Variants in CRPPA observed in about 807,000 individuals in gnomAD.
The protein encoded by CRPPA is D-ribitol-5-phosphate cytidylyltransferase.
Under a neutral mutation model 52.0 loss-of-function variants are expected in CRPPA, and 43 were observed. The ratio of observed to expected loss-of-function variants is 0.83; its 90% CI spans 0.65 to 1.07. CRPPA has a LOEUF of 1.07. Among genes scored for constraint, CRPPA ranks in the 50% least tolerant of loss-of-function variants. The pLI is 0.00. For missense variants in CRPPA, 629 were observed against 551.7 expected (o/e 1.14, Z -1.40); for synonymous variants, 250 against 203.5 (o/e 1.23, Z -1.94).
chr7:16,365,897 A>G (rs1224315262), intron 3 of CRPPA, among the ~76,000 whole-genome samples: 1 of 152,228 alleles, frequency 6.6e-6, no homozygotes, highest in Non-Finnish European at 1.5e-5. Context: ...CATCAACAAG[A>G]AAAAGATAAG....
At chr7:16,353,002 G>C (rs934003346) in intron 3 of CRPPA, among the ~76,000 whole-genome samples, 10 of 151,870 alleles carry the variant, frequency 6.6e-5, no homozygotes, top group African/African-American at 2.4e-4. Context: ...AAGACATTTT[G>C]CTAAGTAAAA....
rs561788573 is a variant in CRPPA at position 16,351,736 on chromosome 7, T to G, written c.684+24356A>C. Among the ~76,000 whole-genome samples, 71 of 152,284 alleles carry G rather than the reference T, an allele frequency of 4.7e-4. 1 individual carries two copies. The highest frequency in any genetic ancestry group is 1.6e-3 in the African/African-American group (67 of 41,568). On this transcript the variant is annotated intron_variant, in intron 3 of 9. Coordinates refer to ENST00000407010, the MANE Select transcript of CRPPA (RefSeq NM_001101426.4). ...AGATACCATCTCATGCCAGTTAGAATGGCGATCATTAAAAAGTCAGGAAAC... is the reference window on the plus strand; with the variant it reads ...AGATACCATCTCATGCCAGTTAGAAGGGCGATCATTAAAAAGTCAGGAAAC...
intron 3 of CRPPA, among the ~76,000 whole-genome samples, chr7:16,323,677 C>G (rs1380846033): frequency 6.6e-6 from 1 of 152,100 alleles, no homozygotes; most frequent in African/African-American, 2.4e-5. Context: ...TTTTGTGTAA[C>G]AAGAGCAAAC....
chr7:16,412,373 T>C (rs1217900004), intron 1 of CRPPA, among the ~76,000 whole-genome samples: 1 of 152,152 alleles, frequency 6.6e-6, no homozygotes, highest in African/African-American at 2.4e-5. Flanking sequence ...CAAATGTGCG[T>C]GAGTATATAA....
chr7:16,146,409 A>G (rs1782975506), intron 9 of CRPPA, among the ~76,000 whole-genome samples: 1 of 152,168 alleles, frequency 6.6e-6, no homozygotes, highest in Non-Finnish European at 1.5e-5. Flanking sequence ...AAAAGACACT[A>G]GTTAGCAAGA....
intron 9 of CRPPA, among the ~76,000 whole-genome samples, chr7:16,178,924 T>C (rs1467668738): frequency 6.6e-6 from 1 of 152,076 alleles, no homozygotes; most frequent in Non-Finnish European, 1.5e-5. Flanking sequence ...ATAAATTTGG[T>C]TGAGGCTCTA....
At chr7:16,223,870 C>T (rs2128400965) in intron 8 of CRPPA, among the ~76,000 whole-genome samples, 1 of 150,614 alleles carries the variant, frequency 6.6e-6, no homozygotes, top group East Asian at 2.0e-4. Flanking sequence ...TATAGATACA[C>T]ATCAAGTAGA....
chr7:16,308,140 CCAGAAG>C (rs1329685512), intron 4 of CRPPA, among the ~76,000 whole-genome samples: 3 of 152,116 alleles, frequency 2.0e-5, no homozygotes, highest in South Asian at 2.1e-4. Context: ...TGAGGCCTCT[CCAGAAG>C]CAGAAGCCAC....
At chr7:16,344,071 C>T (rs1263539396) in intron 3 of CRPPA, among the ~76,000 whole-genome samples, 2 of 152,080 alleles carry the variant, frequency 1.3e-5, no homozygotes, top group East Asian at 1.9e-4. Context: ...AGCTGTTAAA[C>T]AGCAACAACA....
chr7:16,367,328 A>G (rs1786625554), intron 3 of CRPPA, among the ~76,000 whole-genome samples: 1 of 152,230 alleles, frequency 6.6e-6, no homozygotes, highest in South Asian at 2.1e-4. Flanking sequence ...CGAACAACTA[A>G]GCAAAAACAG....
At position 16,133,244 on chromosome 7, in the gene CRPPA, G is replaced by A. The variant is rs1182436608; in HGVS notation, c.1252-41445C>T. ...ATGCATGAGAATTGCTTGAACCCAG[G>A]AGGTGGAGGTTGCAGTGAGCTGAAA... On this transcript the variant is annotated intron_variant, in intron 9 of 9. Coordinates refer to ENST00000407010, the MANE Select transcript of CRPPA (RefSeq NM_001101426.4). Among the ~76,000 whole-genome samples, 3 of 122,204 alleles carry A rather than the reference G, an allele frequency of 2.5e-5. 1 individual carries two copies. The highest frequency in any genetic ancestry group is 7.9e-5 in the African/African-American group (3 of 37,808). 80.2% of individuals were successfully genotyped at this position (122,204 alleles called of 152,430 possible). A position where few individuals can be genotyped will look rare whatever the true frequency, so the allele number is the denominator to read the frequency against.
chr7:16,156,798 T>A (rs1562530014), intron 9 of CRPPA, among the ~76,000 whole-genome samples: 1 of 152,134 alleles, frequency 6.6e-6, no homozygotes, highest in Non-Finnish European at 1.5e-5. Flanking sequence ...TGCTGAAAGC[T>A]GTGGATGTTG....
At chr7:16,264,331 C>T (rs1185498050) in intron 6 of CRPPA, among the ~76,000 whole-genome samples, 1 of 152,016 alleles carries the variant, frequency 6.6e-6, no homozygotes, top group East Asian at 1.9e-4. Context: ...GACATTTAAA[C>T]AAAATTTAAA....
rs145736366 is a variant in CRPPA, at chr7:16,191,959, C to A, written c.1251+24107G>T. ...TGTATGATTTGTTCACTGGTGCAGTCCAAGCTTCTAAAACAATGCCTGGCA... is the reference window on the plus strand; with the variant it reads ...TGTATGATTTGTTCACTGGTGCAGTACAAGCTTCTAAAACAATGCCTGGCA... On this transcript the variant is annotated intron_variant, in intron 9 of 9. Coordinates refer to ENST00000407010, the MANE Select transcript of CRPPA (RefSeq NM_001101426.4). Among the ~76,000 whole-genome samples the A allele has an allele frequency of 3.9e-5, 6 of 152,224 alleles. No homozygotes were observed. The East Asian group carries it at 1.2e-3, about 29-fold the overall frequency.
intron 2 of CRPPA, among the ~76,000 whole-genome samples, chr7:16,399,565 C>T (rs1407460741): frequency 1.3e-5 from 2 of 151,812 alleles, no homozygotes; most frequent in Admixed American, 6.6e-5. Context: ...TGACATGACA[C>T]GTTTGTGACA....
At chr7:16,297,333 C>T (rs1784694687) in intron 5 of CRPPA, among the ~76,000 whole-genome samples, 1 of 152,088 alleles carries the variant, frequency 6.6e-6, no homozygotes. Flanking sequence ...ACAAAGAATG[C>T]TCAAATACTA....
At chr7:16,278,736 G>T (rs981649604) in intron 5 of CRPPA, among the ~76,000 whole-genome samples, 9 of 152,108 alleles carry the variant, frequency 5.9e-5, no homozygotes, top group Non-Finnish European at 1.0e-4. Context: ...TTTGACTATT[G>T]CACTAACAAG....
intron 9 of CRPPA, among the ~76,000 whole-genome samples, chr7:16,176,626 G>A (rs1025367833): frequency 1.3e-5 from 2 of 152,100 alleles, no homozygotes; most frequent in African/African-American, 2.4e-5. Context: ...TTTTTCTTAA[G>A]AGATGGGTTC....
At chr7:16,341,074 G>C (rs1323880682) in intron 3 of CRPPA, among the ~76,000 whole-genome samples, 1 of 152,024 alleles carries the variant, frequency 6.6e-6, no homozygotes, top group Non-Finnish European at 1.5e-5. Context: ...AAATCATCAG[G>C]GGTTGTTAGA....
Sources: gnomAD v4.1 joint callset for allele counts (sites outside exome capture counted in the v4.1 genomes callset) on GRCh38, gnomAD v4.1.1 for gene constraint, MANE v1.5 for transcripts, NCBI Gene and HGNC (gene_info 2026-07-23, HGNC 2026-07-21) for gene names.